LAMA3: variants seen among roughly 807,000 people sequenced by gnomAD.
LAMA3 encodes the protein laminin subunit alpha-3.
Under a neutral mutation model 402.0 loss-of-function variants are expected in LAMA3, and 281 were observed. That is an observed-to-expected ratio of 0.70 (90% confidence interval 0.63 to 0.77). The LOEUF is 0.77. Among genes scored for constraint, LAMA3 ranks in the 30% least tolerant of loss-of-function variants. The pLI, the probability that LAMA3 is intolerant of heterozygous loss-of-function variation, is 0.00. For synonymous variants in LAMA3, 1,431 were observed against 1,558.4 expected, an observed-to-expected ratio of 0.92 and a Z score of 1.93; for missense variants, 3,840 against 4,215.5, an observed-to-expected ratio of 0.91 and a Z score of 2.47.
chr18:23,763,893 T>C (rs1479990807), intron 8 of LAMA3, among the ~76,000 whole-genome samples: 1 of 152,188 alleles, frequency 6.6e-6, no homozygotes. Flanking sequence ...TTCAGACAGA[T>C]TCTGAGTCTA....
intron 26 of LAMA3, 70 bp downstream of exon 26, chr18:23,838,948 T>C: frequency 4.3e-6 from 4 of 926,858 alleles, no homozygotes; most frequent in Non-Finnish European, 7.2e-6. Flanking sequence ...AGGCTGAAAC[T>C]TTATACTCAA....
chr18:23,843,475 C>T (rs1041123881), intron 29 of LAMA3, among the ~76,000 whole-genome samples: 5 of 152,180 alleles, frequency 3.3e-5, no homozygotes, highest in African/African-American at 9.7e-5. Context: ...CTTTCTCTGC[C>T]GTGCCTCCTG....
At chr18:23,937,755 CTGATA>C (rs2082356780) in intron 67 of LAMA3, among the ~76,000 whole-genome samples, 2 of 152,144 alleles carry the variant, frequency 1.3e-5, no homozygotes, top group Middle Eastern at 3.2e-3. Flanking sequence ...CAAGGTTTGG[CTGATA>C]TAAGTAACTC....
intron 27 of LAMA3, among the ~76,000 whole-genome samples, chr18:23,841,165 A>G (rs1358836274): frequency 6.6e-6 from 1 of 152,230 alleles, no homozygotes; most frequent in South Asian, 2.1e-4. Flanking sequence ...AATCAAGATG[A>G]CAAGAGTTCT....
intron 23 of LAMA3, 79 bp downstream of exon 23, chr18:23,827,546 G>C (rs1403328134): frequency 6.8e-7 from 1 of 1,481,146 alleles, no homozygotes; most frequent in Non-Finnish European, 9.2e-7. Flanking sequence ...GGCCACAGTT[G>C]CTTCTCAAAT....
intron 14 of LAMA3, among the ~76,000 whole-genome samples, chr18:23,813,553 CTTT>C (rs1164123647): frequency 5.2e-5 from 6 of 115,022 alleles, no homozygotes; most frequent in Admixed American, 1.9e-4. Context: ...TCTTTTCTTT[CTTT>C]TTTTTTTTTT....
chr18:23,706,421 A>G (rs2060890162), intron 1 of LAMA3, among the ~76,000 whole-genome samples: 1 of 152,196 alleles, frequency 6.6e-6, no homozygotes, highest in African/African-American at 2.4e-5. Flanking sequence ...AAGTTTTTGT[A>G]CCAATTTATA....
At position 23,816,268 on chromosome 18, in the gene LAMA3, G is replaced by A. The variant is rs996739649; in HGVS notation, c.2048-120G>A. The A allele has an allele frequency of 4.7e-5, 36 of 760,542 alleles. No homozygotes were observed. The African/African-American group carries it at 5.8e-4, about 12-fold the overall frequency. 47.1% of individuals were successfully genotyped at this position (760,542 alleles called of 1,614,324 possible). A position where few individuals can be genotyped will look rare whatever the true frequency, so the allele number is the denominator to read the frequency against. Reference sequence around the variant, plus strand: ...AAACACTTGCCAGACAGATGTGGCAGAGGAAAGAAGGCAGGCACTGTGTCA... The same window carrying A: ...AAACACTTGCCAGACAGATGTGGCAAAGGAAAGAAGGCAGGCACTGTGTCA... On this transcript the variant is annotated intron_variant, in intron 17 of 74. Coordinates refer to ENST00000313654, the MANE Select transcript of LAMA3 (RefSeq NM_198129.4).
chr18:23,773,463 AC>A, intron 8 of LAMA3, 33 bp from the exon 9 acceptor site: 1 of 1,340,060 alleles, frequency 7.5e-7, no homozygotes, highest in Non-Finnish European at 1.1e-6. Context: ...CTTCCCCAGA[AC>A]CCTTCCTTTA....
At chr18:23,705,707 G>A (rs567279920) in intron 1 of LAMA3, among the ~76,000 whole-genome samples, 2 of 152,058 alleles carry the variant, frequency 1.3e-5, no homozygotes, top group Admixed American at 1.3e-4. Flanking sequence ...TTGTAGAGAC[G>A]GGGTTTCACC....
intron 12 of LAMA3, among the ~76,000 whole-genome samples, chr18:23,793,219 AG>A (rs920291568): frequency 1.1e-4 from 16 of 152,116 alleles, no homozygotes; most frequent in African/African-American, 3.1e-4. Flanking sequence ...GGAATACCAG[AG>A]TGTGAGAGCT....
At chr18:23,854,167 ATTACT>A (rs2064009896) in intron 32 of LAMA3, among the ~76,000 whole-genome samples, 1 of 152,084 alleles carries the variant, frequency 6.6e-6, no homozygotes, top group Non-Finnish European at 1.5e-5. Context: ...TTGGTCCTAT[ATTACT>A]GACTGGCCAC....
At chr18:23,766,471 G>C (rs146943810) in intron 8 of LAMA3, among the ~76,000 whole-genome samples, 39 of 152,328 alleles carry the variant, frequency 2.6e-4, no homozygotes, top group Admixed American at 9.8e-4. Flanking sequence ...GGTAATACGA[G>C]ATGGAAACTC....
intron 36 of LAMA3, among the ~76,000 whole-genome samples, chr18:23,867,501 G>A (rs924114004): frequency 1.4e-5 from 2 of 146,122 alleles, no homozygotes; most frequent in African/African-American, 2.5e-5. Flanking sequence ...GTGAGCCAAG[G>A]TTGTGCCATT....
At chr18:23,940,381 G>A (rs979932819) in intron 68 of LAMA3, among the ~76,000 whole-genome samples, 9 of 152,168 alleles carry the variant, frequency 5.9e-5, no homozygotes, top group African/African-American at 1.4e-4. Context: ...TAATACCCCC[G>A]AGTGTCACTG....
rs112877916 is a variant in LAMA3, at chr18:23,699,138, C to T, written c.294+9161C>T. ...GGTTGAGAGGAAGGCAGCCTCACAA[C>T]GAGGTTGGGAGAGGGCGACCCTGGA... is the stretch of plus-strand genomic sequence containing the variant. On this transcript the variant is annotated intron_variant, in intron 1 of 74. Coordinates refer to ENST00000313654, the MANE Select transcript of LAMA3 (RefSeq NM_198129.4). Among the ~76,000 whole-genome samples the T allele has an allele frequency of 6.6e-5, 10 of 152,176 alleles. No individual in the cohort carries two copies. The East Asian group carries it at 7.7e-4, about 12-fold the overall frequency.
In LAMA3 at chr18:23,753,587, C is replaced by T. The variant is rs554863045; in HGVS notation, c.856-134C>T. The T allele has an allele frequency of 1.9e-4, 133 of 710,788 alleles. No homozygotes were observed. In the African/African-American group the frequency reaches 2.0e-3, roughly 11 times the overall value. 44.0% of individuals were successfully genotyped at this position (710,788 alleles called of 1,614,324 possible). A position where few individuals can be genotyped will look rare whatever the true frequency, so the allele number is the denominator to read the frequency against. ...TGTGTTTATTTTATAAGACATGTTA[C>T]ATCCCAATGTAGGGCTCAAGAATAC... is the stretch of plus-strand genomic sequence containing the variant. On this transcript the variant is annotated intron_variant, in intron 5 of 74. Coordinates refer to ENST00000313654, the MANE Select transcript of LAMA3 (RefSeq NM_198129.4).
chr18:23,763,393 C>T lies in LAMA3; in HGVS notation c.1064-12C>T, dbSNP rs1555687748. ...ATAATGAGAATATTGACTTATTATGCTTTTTTTTCAGCATGCAACTGCCAC... is the reference window on the plus strand; with the variant it reads ...ATAATGAGAATATTGACTTATTATGTTTTTTTTTCAGCATGCAACTGCCAC... On this transcript the variant is annotated splice_polypyrimidine_tract_variant and intron_variant, in intron 7 of 74. Transcript: ENST00000313654. 1.3e-5 allele frequency: 20 copies of T among 1,528,242 alleles called. No homozygotes were observed. The highest frequency in any genetic ancestry group is 1.8e-5 in the Non-Finnish European group (20 of 1,102,306). 94.7% of individuals were successfully genotyped at this position (1,528,242 alleles called of 1,614,324 possible).
In LAMA3 at chr18:23,773,501, A is replaced by G. The variant is rs555464457; in HGVS notation, c.1187A>G (p.Asn396Ser). The G allele has an allele frequency of 1.8e-5, 29 of 1,589,366 alleles. No homozygotes were observed. In the East Asian group the frequency reaches 5.0e-4, roughly 27 times the overall value. Reference protein sequence around the residue: ...GGGVCINCQHNTAGVNCEQCA... With the variant: ...GGGVCINCQHSTAGVNCEQCA... ...GTTTCTTTTGTTTCTTTCTAGCACA[A>G]CACAGCTGGAGTAAACTGTGAACAG... Residue 396 changes from asparagine to serine, a missense_variant, in exon 9 of 75, where the codon AAC (asparagine) becomes AGC (serine). Asn to Ser is a conservative substitution (Grantham distance 46). Transcript: ENST00000313654.
Sources: allele counts gnomAD v4.1 joint callset (sites outside exome capture counted in the v4.1 genomes callset), GRCh38; gene constraint gnomAD v4.1.1; transcripts MANE v1.5; gene names NCBI Gene and HGNC (gene_info 2026-07-23, HGNC 2026-07-21).